Variants in SYT1 observed in about 807,000 individuals in gnomAD.
SYT1 encodes synaptotagmin 1.
In SYT1, 8 loss-of-function variants were observed where a neutral mutation model predicts 44.8. The ratio of observed to expected loss-of-function variants is 0.18; its 90% CI spans 0.10 to 0.32. SYT1 has a LOEUF of 0.32. SYT1 is among the 10% of genes least tolerant of loss of function. The pLI, the probability that SYT1 is intolerant of heterozygous loss-of-function variation, is 1.00. For missense variants in SYT1, 286 were observed against 509.3 expected (o/e 0.56, Z 4.22); for synonymous variants, 154 against 188.8 (o/e 0.82, Z 1.51).
chr12:79,434,966 A>G (rs1870003041), intron 9 of SYT1, among the ~76,000 whole-genome samples: 1 of 152,114 alleles, frequency 6.6e-6, no homozygotes, highest in Admixed American at 6.5e-5. Flanking sequence ...CTTCCTAATG[A>G]TTTAAAGATA....
chr12:79,016,579 C>T (rs1284967700), intron 2 of SYT1, among the ~76,000 whole-genome samples: 4 of 152,082 alleles, frequency 2.6e-5, no homozygotes, highest in Non-Finnish European at 5.9e-5. Context: ...AGATTATCCT[C>T]TGGTATATTT....
intron 2 of SYT1, among the ~76,000 whole-genome samples, chr12:79,008,072 G>A (rs1871203836): frequency 1.3e-5 from 2 of 152,052 alleles, no homozygotes; most frequent in Non-Finnish European, 1.5e-5. Context: ...GTGGTGAGGG[G>A]AAACATGAAG....
chr12:79,041,867 C>A (rs1474493304), intron 2 of SYT1, among the ~76,000 whole-genome samples: 4 of 152,124 alleles, frequency 2.6e-5, no homozygotes, highest in African/African-American at 9.7e-5. Context: ...GCTTTTTCTG[C>A]AACTATTGAG....
intron 9 of SYT1, among the ~76,000 whole-genome samples, chr12:79,433,000 A>G (rs922713507): frequency 6.6e-6 from 1 of 152,106 alleles, no homozygotes; most frequent in African/African-American, 2.4e-5. Context: ...TAGGAAATAT[A>G]CTCAAAAACT....
At chr12:79,059,507 TA>T (rs1246218410) in intron 3 of SYT1, among the ~76,000 whole-genome samples, 1 of 152,130 alleles carries the variant, frequency 6.6e-6, no homozygotes, top group Non-Finnish European at 1.5e-5. Flanking sequence ...GTGTTAGTTA[TA>T]ACATTCCTTA....
At chr12:79,046,022 A>G (rs1874025297) in intron 2 of SYT1, among the ~76,000 whole-genome samples, 1 of 152,188 alleles carries the variant, frequency 6.6e-6, no homozygotes, top group Non-Finnish European at 1.5e-5. Flanking sequence ...GTATACTAAA[A>G]CTATACAAAG....
intron 3 of SYT1, among the ~76,000 whole-genome samples, chr12:79,119,281 A>T (rs2138125269): frequency 6.6e-6 from 1 of 152,290 alleles, no homozygotes; most frequent in East Asian, 1.9e-4. Flanking sequence ...ATAGTAAACA[A>T]TGCAAGTATG....
At chr12:79,293,529 A>G (rs187851483) in intron 6 of SYT1, among the ~76,000 whole-genome samples, 24 of 152,244 alleles carry the variant, frequency 1.6e-4, no homozygotes, top group Admixed American at 1.6e-3. Context: ...AAATACAGTT[A>G]CTAGTAATGC....
intron 2 of SYT1, among the ~76,000 whole-genome samples, chr12:79,018,376 GAGA>G (rs1871954831): frequency 6.6e-6 from 1 of 151,494 alleles, no homozygotes; most frequent in Non-Finnish European, 1.5e-5. Context: ...ATAGCATTAG[GAGA>G]TATACCTAAT....
At chr12:78,962,390 C>T (rs753852590) in intron 1 of SYT1, among the ~76,000 whole-genome samples, 4 of 147,294 alleles carry the variant, frequency 2.7e-5, no homozygotes, top group Admixed American at 2.0e-4. Context: ...TCGTGGGTCA[C>T]GTACCTTTGC....
At chr12:79,216,411 C>T (rs1874809247) in intron 3 of SYT1, among the ~76,000 whole-genome samples, 1 of 152,160 alleles carries the variant, frequency 6.6e-6, no homozygotes, top group African/African-American at 2.4e-5. Flanking sequence ...AGCCTGAAAT[C>T]TTAAGTTCTG....
At chr12:79,432,709 G>A (rs1869869940) in intron 9 of SYT1, among the ~76,000 whole-genome samples, 1 of 152,080 alleles carries the variant, frequency 6.6e-6, no homozygotes, top group African/African-American at 2.4e-5. Flanking sequence ...CACCTCCCAG[G>A]TTCAAGCAAT....
rs568918610 is a variant in SYT1 at position 79,145,610 on chromosome 12, C to T, written c.-17-71893C>T. ...CAACCCAATGAGATTGACATCATTACCAACAGCCTAGTTTTGCAAATGTGT... is the reference window on the plus strand; with the variant it reads ...CAACCCAATGAGATTGACATCATTATCAACAGCCTAGTTTTGCAAATGTGT... On this transcript the variant is annotated intron_variant, in intron 3 of 10. Coordinates refer to ENST00000261205, the MANE Select transcript of SYT1 (RefSeq NM_005639.3). Among the ~76,000 whole-genome samples, 10 of 152,310 alleles carry T rather than the reference C, an allele frequency of 6.6e-5. No homozygotes were observed. The South Asian group carries it at 2.1e-3, about 32-fold the overall frequency.
chr12:78,962,257 C>CTTAATTAACTTAATTAACAAA (rs1565738417), intron 1 of SYT1, among the ~76,000 whole-genome samples: 149 of 151,004 alleles, frequency 9.9e-4, no homozygotes, highest in African/African-American at 3.5e-3. Context: ...TTGTTACAAA[C>CTTAATTAACTTAATTAACAAA]GTTAAATAAC....
At chr12:78,963,953 T>C (rs753994434) in intron 1 of SYT1, 3 of 152,250 alleles carry the variant, frequency 2.0e-5, no homozygotes, top group African/African-American at 7.2e-5. Flanking sequence ...ATTTTTTAAA[T>C]GTAGTATATA....
At chr12:79,019,096 TC>T (rs1375727495) in intron 2 of SYT1, among the ~76,000 whole-genome samples, 1 of 151,996 alleles carries the variant, frequency 6.6e-6, no homozygotes, top group Non-Finnish European at 1.5e-5. Context: ...CTTGTTTCTC[TC>T]CTTTATTCAA....
At chr12:78,982,983 A>C (rs1869377980) in intron 2 of SYT1, among the ~76,000 whole-genome samples, 1 of 152,054 alleles carries the variant, frequency 6.6e-6, no homozygotes, top group Non-Finnish European at 1.5e-5. Context: ...TCTAGTAGAG[A>C]GGTAGACTAT....
chr12:79,228,035 ATTT>A (rs34646036), intron 4 of SYT1, among the ~76,000 whole-genome samples: 1 of 140,498 alleles, frequency 7.1e-6, no homozygotes, highest in Admixed American at 7.1e-5. Context: ...CCTCTCCTCC[ATTT>A]TTTTTTTTTT....
In SYT1 at chr12:78,918,825, G is replaced by T. The variant is rs369666952; in HGVS notation, c.-217+53716G>T. On this transcript the variant is annotated intron_variant, in intron 1 of 10. Transcript: ENST00000261205. ...ATACAAAGAAATATCATGCATTTAT[G>T]TATGATGATGGTAAAGAAAAACCTT... is the stretch of plus-strand genomic sequence containing the variant. Among the ~76,000 whole-genome samples, 4 of 152,160 alleles carry T rather than the reference G, an allele frequency of 2.6e-5. No individual in the cohort carries two copies. In the East Asian group the frequency reaches 7.8e-4, roughly 29 times the overall value.
Sources: gnomAD v4.1 joint callset for allele counts (sites outside exome capture counted in the v4.1 genomes callset) on GRCh38, gnomAD v4.1.1 for gene constraint, MANE v1.5 for transcripts, NCBI Gene and HGNC (gene_info 2026-07-23, HGNC 2026-07-21) for gene names.